The following DENND1A variants were observed in gnomAD, a reference collection of about 807,000 sequenced individuals.
The protein encoded by DENND1A is DENN domain-containing protein 1A.
DENND1A carries 51 observed loss-of-function variants against 113.7 expected under a neutral mutation model. The observed-to-expected ratio is 0.45, with a 90% confidence interval of 0.36 to 0.57. DENND1A has a LOEUF of 0.57. Ranked by LOEUF, DENND1A falls within the 20% of genes least tolerant of loss-of-function variation. The probability of loss-of-function intolerance (pLI) is 0.00; values close to 1 mark genes in which losing one functional copy is unlikely to be tolerated. For missense variants in DENND1A, 1,258 were observed against 1,395.9 expected (o/e 0.90, Z 1.57); for synonymous variants, 565 against 570.8 (o/e 0.99, Z 0.14).
chr9:123,626,038 T>A (rs2061196240), intron 10 of DENND1A, among the ~76,000 whole-genome samples: 1 of 151,854 alleles, frequency 6.6e-6, no homozygotes, highest in African/African-American at 2.4e-5. Context: ...ACTACAATTG[T>A]GTGCCACTAT....
At chr9:123,453,678 T>C (rs1423279023) in intron 16 of DENND1A, among the ~76,000 whole-genome samples, 1 of 152,190 alleles carries the variant, frequency 6.6e-6, no homozygotes, top group Non-Finnish European at 1.5e-5. Flanking sequence ...GAGAATAAGA[T>C]ACAGTAATGT....
intron 3 of DENND1A, among the ~76,000 whole-genome samples, chr9:123,770,581 T>C (rs1829567517): frequency 6.6e-6 from 1 of 152,244 alleles, no homozygotes; most frequent in Non-Finnish European, 1.5e-5. Flanking sequence ...CGGTTGGTGC[T>C]TATCATAAGT....
chr9:123,811,128 C>G (rs752521356), intron 2 of DENND1A, among the ~76,000 whole-genome samples: 1 of 152,162 alleles, frequency 6.6e-6, no homozygotes, highest in Non-Finnish European at 1.5e-5. Flanking sequence ...TCAATCTGCT[C>G]TCTTCTACTC....
intron 15 of DENND1A, among the ~76,000 whole-genome samples, chr9:123,456,339 C>T (rs1471328570): frequency 1.3e-5 from 2 of 152,190 alleles, no homozygotes; most frequent in Non-Finnish European, 1.5e-5. Flanking sequence ...TTTGCCTTCG[C>T]TGCCAAAGAC....
At chr9:123,386,214 AAAT>A (rs1308663771) in intron 22 of DENND1A, among the ~76,000 whole-genome samples, 1 of 152,130 alleles carries the variant, frequency 6.6e-6, no homozygotes, top group Non-Finnish European at 1.5e-5. Context: ...TTAGCAACAG[AAAT>A]AATAACTAAT....
chr9:123,878,872 T>A, intron 2 of DENND1A, 79 bp downstream of exon 2: 1 of 1,395,342 alleles, frequency 7.2e-7, no homozygotes, highest in Non-Finnish European at 1.0e-6. Flanking sequence ...AATTTACTCA[T>A]ATTCACATAT....
At chr9:123,564,980 CTTTTTT>C (rs199613371) in intron 12 of DENND1A, among the ~76,000 whole-genome samples, 9 of 75,722 alleles carry the variant, frequency 1.2e-4, no homozygotes, top group Non-Finnish European at 1.7e-4. Context: ...TCTGTCCCTT[CTTTTTT>C]TTTTTTTTTT....
intron 8 of DENND1A, among the ~76,000 whole-genome samples, chr9:123,662,052 A>T (rs1243609462): frequency 1.3e-5 from 2 of 152,216 alleles, no homozygotes; most frequent in African/African-American, 2.4e-5. Flanking sequence ...AGTGCCCAGC[A>T]CAATAGATGA....
chr9:123,894,986 G>A (rs1034691269), intron 1 of DENND1A, among the ~76,000 whole-genome samples: 10 of 152,026 alleles, frequency 6.6e-5, no homozygotes, highest in African/African-American at 2.4e-4. Context: ...AGGTATGAAT[G>A]CTCATGCAGA....
intron 1 of DENND1A, among the ~76,000 whole-genome samples, chr9:123,904,616 C>T (rs1235080408): frequency 6.7e-6 from 1 of 149,542 alleles, no homozygotes; most frequent in Non-Finnish European, 1.5e-5. Flanking sequence ...GAAAGGGTAT[C>T]AGCAATGGAA....
chr9:123,803,542 T>G (rs925448607), intron 2 of DENND1A, among the ~76,000 whole-genome samples: 29 of 152,152 alleles, frequency 1.9e-4, no homozygotes, highest in African/African-American at 6.8e-4. Context: ...CCACCACCTC[T>G]GCCCCACAGA....
chr9:123,435,378 A>G (rs2046442748), intron 19 of DENND1A, among the ~76,000 whole-genome samples: 1 of 152,174 alleles, frequency 6.6e-6, no homozygotes, highest in Non-Finnish European at 1.5e-5. Flanking sequence ...GCCGGCAACC[A>G]CATCCCAAGA....
At chr9:123,909,357 A>AT (rs1223554052) in intron 1 of DENND1A, among the ~76,000 whole-genome samples, 2 of 150,440 alleles carry the variant, frequency 1.3e-5, no homozygotes, top group African/African-American at 4.9e-5. Context: ...AAAAATAAAA[A>AT]TAAAAAAAAC....
intron 5 of DENND1A, among the ~76,000 whole-genome samples, chr9:123,728,479 C>CCAA (rs2067883592): frequency 4.0e-5 from 1 of 25,184 alleles, no homozygotes; most frequent in Non-Finnish European, 7.1e-5. Context: ...CTCTGTCTCC[C>CCAA]AAAAAAAAAA....
At chr9:123,928,583 CA>C (rs1857496768) in intron 1 of DENND1A, 1 of 985,272 alleles carries the variant, frequency 1.0e-6, no homozygotes, top group Non-Finnish European at 1.2e-6. Flanking sequence ...GCGACTCTTC[CA>C]TTTTCATTAC....
chr9:123,449,144 C>CT (rs1173647437), intron 18 of DENND1A, among the ~76,000 whole-genome samples: 2 of 152,178 alleles, frequency 1.3e-5, no homozygotes. Flanking sequence ...GAACTGTGGT[C>CT]TGTTTACTCA....
chr9:123,637,020 T>C (rs982788703), intron 9 of DENND1A, among the ~76,000 whole-genome samples: 12 of 152,166 alleles, frequency 7.9e-5, no homozygotes, highest in African/African-American at 2.4e-4. Context: ...AATTGCCTAA[T>C]AGATCACAAC....
chr9:123,399,312 G>A (rs2043305591), intron 21 of DENND1A, among the ~76,000 whole-genome samples: 1 of 152,158 alleles, frequency 6.6e-6, no homozygotes, highest in South Asian at 2.1e-4. Flanking sequence ...GTCTCTCTGA[G>A]CCTCAGTTTT....
intron 10 of DENND1A, among the ~76,000 whole-genome samples, chr9:123,628,651 C>T (rs925194359): frequency 6.6e-6 from 1 of 152,182 alleles, no homozygotes; most frequent in African/African-American, 2.4e-5. Context: ...ACTTTATCTC[C>T]TACCCACTCA....
Sources: gnomAD v4.1 joint callset for allele counts (sites outside exome capture counted in the v4.1 genomes callset) on GRCh38, gnomAD v4.1.1 for gene constraint, MANE v1.5 for transcripts, NCBI Gene and HGNC (gene_info 2026-07-23, HGNC 2026-07-21) for gene names.